Variants in DGKI observed in about 807,000 individuals in gnomAD.
The protein encoded by DGKI is diacylglycerol kinase iota.
Under a neutral mutation model 147.5 loss-of-function variants are expected in DGKI, and 55 were observed. That is an observed-to-expected ratio of 0.37 (90% CI 0.30 to 0.47). DGKI has a LOEUF of 0.47. Ranked by LOEUF, DGKI falls within the 20% of genes least tolerant of loss-of-function variation. The pLI, the probability that DGKI is intolerant of heterozygous loss-of-function variation, is 1.00. For synonymous variants in DGKI, 469 were observed against 477.1 expected (o/e 0.98, Z 0.22); for missense variants, 1,007 against 1,323.8 (o/e 0.76, Z 3.71).
At chr7:137,616,176 A>C (rs1820524921) in intron 8 of DGKI, among the ~76,000 whole-genome samples, 1 of 152,088 alleles carries the variant, frequency 6.6e-6, no homozygotes, top group African/African-American at 2.4e-5. Flanking sequence ...CCCATCTCAA[A>C]CTATTTAATA....
At chr7:137,791,008 G>A (rs1796835520) in intron 1 of DGKI, among the ~76,000 whole-genome samples, 1 of 152,108 alleles carries the variant, frequency 6.6e-6, no homozygotes, top group Non-Finnish European at 1.5e-5. Context: ...AACTGCTGTA[G>A]AAGGAGCTGT....
chr7:137,645,842 G>T (rs1468154587), intron 5 of DGKI, among the ~76,000 whole-genome samples: 1 of 152,114 alleles, frequency 6.6e-6, no homozygotes, highest in Non-Finnish European at 1.5e-5. Context: ...AATATTTATG[G>T]GTATGACTTG....
intron 1 of DGKI, among the ~76,000 whole-genome samples, chr7:137,759,359 G>A (rs1182929430): frequency 7.3e-6 from 1 of 137,168 alleles, no homozygotes; most frequent in Non-Finnish European, 1.6e-5. Flanking sequence ...TTATTTTTTT[G>A]AGATGAAGTC....
chr7:137,517,750 G>C (rs537420231), intron 21 of DGKI, among the ~76,000 whole-genome samples: 214 of 152,252 alleles, frequency 1.4e-3, no homozygotes, highest in African/African-American at 4.9e-3. Context: ...ACACTTAAGA[G>C]AATGTATTAG....
intron 21 of DGKI, among the ~76,000 whole-genome samples, chr7:137,509,360 G>C (rs74737346): frequency 0.024 from 3,586 of 152,268 alleles, 151 homozygotes; most frequent in African/African-American, 0.082. Flanking sequence ...CAATGGTGAG[G>C]TCTGGAATAG....
At chr7:137,583,497 T>A (rs528054681) in intron 14 of DGKI, among the ~76,000 whole-genome samples, 28 of 152,204 alleles carry the variant, frequency 1.8e-4, no homozygotes, top group Non-Finnish European at 3.4e-4. Flanking sequence ...CTGGTCACCA[T>A]CACCTAAATC....
intron 20 of DGKI, among the ~76,000 whole-genome samples, chr7:137,531,590 T>G (rs1817340319): frequency 6.6e-6 from 1 of 152,218 alleles, no homozygotes; most frequent in Non-Finnish European, 1.5e-5. Context: ...ATCTCATGTG[T>G]TCAGGAAGAC....
intron 20 of DGKI, among the ~76,000 whole-genome samples, chr7:137,524,348 G>A (rs1817067766): frequency 2.0e-5 from 3 of 152,068 alleles, no homozygotes; most frequent in Non-Finnish European, 4.4e-5. Context: ...ATCTCTGTGT[G>A]GTGAAACCTG....
rs1428375695 is a variant in DGKI, at chr7:137,383,321, A to G, written c.*7899T>C. ...CTCCTAAAAAAGATATGTTTCTACTAAAGCATAGGTGTGTTTGTGTAAGCA... is the reference window on the plus strand; with the variant it reads ...CTCCTAAAAAAGATATGTTTCTACTGAAGCATAGGTGTGTTTGTGTAAGCA... On this transcript the variant is annotated 3_prime_UTR_variant, in exon 33 of 33. Transcript: ENST00000614521. The G allele has an allele frequency of 2.0e-5, 3 of 151,678 alleles. No individual in the cohort carries two copies. 9.4% of individuals were successfully genotyped at this position (151,678 alleles called of 1,614,324 possible). A position where few individuals can be genotyped will look rare whatever the true frequency, so the allele number is the denominator to read the frequency against.
chr7:137,752,866 G>T (rs1219326549), intron 1 of DGKI, among the ~76,000 whole-genome samples: 1 of 152,124 alleles, frequency 6.6e-6, no homozygotes, highest in African/African-American at 2.4e-5. Flanking sequence ...TTTGTCTGCG[G>T]CTTGTCCTGC....
At chr7:137,417,381 G>A (rs1812398590) in intron 28 of DGKI, among the ~76,000 whole-genome samples, 1 of 152,146 alleles carries the variant, frequency 6.6e-6, no homozygotes. Flanking sequence ...TACTTCATAG[G>A]AAATGGTTTA....
At chr7:137,466,824 T>A (rs1412816086) in intron 25 of DGKI, 78 bp downstream of exon 25, 2 of 1,490,298 alleles carry the variant, frequency 1.3e-6, no homozygotes, top group South Asian at 1.1e-5. Context: ...GTTAGAAAAA[T>A]TTATGAGATT....
At chr7:137,638,640 A>ATACACATATATACATATATG (rs1563126060) in intron 6 of DGKI, among the ~76,000 whole-genome samples, 3 of 40,276 alleles carry the variant, frequency 7.4e-5, no homozygotes, top group African/African-American at 4.3e-4. Context: ...GTGTGTATAT[A>ATACACATATATACATATATG]TGTGTATGTA....
rs1563037742 is a variant in DGKI, at chr7:137,469,584, T to C, written c.2409A>G (p.Ala803=). ...AGCACCACCGAGGAGAGAGCCTCTG[T>C]GCTGAGAGAGCCCTGGGGAAGGAGG... ...HETSFPRALS[A]QRLSPRWCFL... is the part of the protein sequence containing the mutation. Residue 803 remains alanine, a synonymous_variant, in exon 24 of 33, where the codon GCA becomes GCG. Transcript: ENST00000614521. 6.2e-7 allele frequency: 1 copy of C among 1,614,066 alleles called. No individual in the cohort carries two copies. Among genetic ancestry groups the C allele is most frequent in the Non-Finnish European group, 8.5e-7 (1 of 1,179,982 alleles).
intron 20 of DGKI, among the ~76,000 whole-genome samples, chr7:137,543,316 T>A (rs1423455003): frequency 6.6e-6 from 1 of 152,228 alleles, no homozygotes; most frequent in East Asian, 1.9e-4. Context: ...ATTTGCTTTG[T>A]TTTGTCCTAT....
chr7:137,735,392 T>C (rs1794993967), intron 1 of DGKI, among the ~76,000 whole-genome samples: 1 of 152,086 alleles, frequency 6.6e-6, no homozygotes, highest in Admixed American at 6.6e-5. Context: ...TCTGGTTAGA[T>C]TTTACTTATC....
chr7:137,433,980 A>T (rs2011937), intron 28 of DGKI, among the ~76,000 whole-genome samples: 16 of 151,912 alleles, frequency 1.1e-4, no homozygotes, highest in Non-Finnish European at 2.2e-4. Flanking sequence ...TTAGCCGGCC[A>T]TGGTAGCACA....
At chr7:137,454,364 T>A (rs1226666440) in intron 27 of DGKI, among the ~76,000 whole-genome samples, 1 of 152,218 alleles carries the variant, frequency 6.6e-6, no homozygotes, top group Non-Finnish European at 1.5e-5. Context: ...CCTGAATGTC[T>A]TTCGAGTATA....
intron 20 of DGKI, among the ~76,000 whole-genome samples, chr7:137,536,184 G>T (rs950218978): frequency 2.6e-5 from 4 of 152,112 alleles, no homozygotes; most frequent in Admixed American, 2.0e-4. Flanking sequence ...ATTGACAGCA[G>T]AGATAAATGC....
Sources: allele counts gnomAD v4.1 joint callset (sites outside exome capture counted in the v4.1 genomes callset), GRCh38; gene constraint gnomAD v4.1.1; transcripts MANE v1.5; gene names NCBI Gene and HGNC (gene_info 2026-07-23, HGNC 2026-07-21).